GPHN: variants seen among roughly 807,000 people sequenced by gnomAD.
The protein encoded by GPHN is gephyrin.
GPHN carries 17 observed loss-of-function variants against 95.5 expected under a neutral mutation model. The observed-to-expected ratio is 0.18, with a 90% CI of 0.12 to 0.27. The LOEUF (loss-of-function observed/expected upper bound fraction) is 0.27, where lower values mean the gene tolerates loss of function less well. Ranked by LOEUF, GPHN falls within the 10% of genes least tolerant of loss-of-function variation. The pLI is 1.00. For missense variants in GPHN, 660 were observed against 978.1 expected, an observed-to-expected ratio of 0.67 and a Z score of 4.34; for synonymous variants, 320 against 322.5, an observed-to-expected ratio of 0.99 and a Z score of 0.08.
the GPHN span, chr14:67,579,902 G>A: frequency 6.3e-7 from 1 of 1,574,826 alleles, no homozygotes; most frequent in Admixed American, 1.8e-5. Context: ...TAAGCCAGCT[G>A]AGCCCCTCCC....
the GPHN span, among the ~76,000 whole-genome samples, chr14:67,347,087 A>G: frequency 3.7e-4 from 57 of 152,150 alleles, no homozygotes; most frequent in African/African-American, 1.3e-3. Context: ...CAGCTCAAGC[A>G]ATCCTCCCTC....
At chr14:67,656,423 T>G in the GPHN span, 1 of 1,610,210 alleles carries the variant, frequency 6.2e-7, no homozygotes, top group African/African-American at 1.3e-5. Flanking sequence ...TACTCTACTC[T>G]TGGTACGTTC....
At chr14:67,648,220 T>C in the GPHN span, 4 of 1,590,264 alleles carry the variant, frequency 2.5e-6, no homozygotes, top group East Asian at 2.3e-5. Context: ...GTTAACTACA[T>C]AGGTAAATAT....
the GPHN span, chr14:67,575,523 CAT>C: frequency 8.9e-7 from 1 of 1,124,258 alleles, no homozygotes; most frequent in Non-Finnish European, 1.3e-6. Context: ...CCCCGAAGCA[CAT>C]GACTGCCACT....
the GPHN span, among the ~76,000 whole-genome samples, chr14:67,322,337 GACTC>G: frequency 6.6e-6 from 1 of 152,124 alleles, no homozygotes; most frequent in African/African-American, 2.4e-5. Context: ...AGCAGAGTGA[GACTC>G]TGTCTGAAAA....
chr14:67,472,595 A>AAGGGGGTG, the GPHN span: 16,912 of 152,316 alleles, frequency 0.11, 974 homozygotes, highest in East Asian at 0.13. Flanking sequence ...GAAGGGCTGC[A>AAGGGGGTG]AGGGGGTGAG....
At chr14:67,343,353 C>T in the GPHN span, 2 of 1,595,822 alleles carry the variant, frequency 1.3e-6, no homozygotes, top group South Asian at 1.1e-5. Flanking sequence ...CAAAGCACCT[C>T]ACAGTACCTA....
At chr14:66,664,448 C>T (rs2065834864) in intron 1 of GPHN, among the ~76,000 whole-genome samples, 1 of 152,080 alleles carries the variant, frequency 6.6e-6, no homozygotes, top group African/African-American at 2.4e-5. Flanking sequence ...GACAAAGATA[C>T]AATGTACCAG....
chr14:67,124,037 A>C (rs573560191), intron 17 of GPHN, among the ~76,000 whole-genome samples: 20 of 151,902 alleles, frequency 1.3e-4, no homozygotes, highest in African/African-American at 4.8e-4. Flanking sequence ...AGGACACTGG[A>C]GTGGAAGCTG....
chr14:67,562,169 G>T, the GPHN span: 2 of 1,611,212 alleles, frequency 1.2e-6, no homozygotes, highest in Non-Finnish European at 1.7e-6. Context: ...GAAGCTGCTG[G>T]TGCCCCCCTA....
At chr14:67,598,570 T>C in the GPHN span, among the ~76,000 whole-genome samples, 4 of 152,264 alleles carry the variant, frequency 2.6e-5, no homozygotes, top group South Asian at 6.2e-4. Flanking sequence ...ATTTAATAAA[T>C]ATCTATTTCC....
chr14:67,611,713 T>C, the GPHN span, among the ~76,000 whole-genome samples: 1 of 152,216 alleles, frequency 6.6e-6, no homozygotes, highest in African/African-American at 2.4e-5. Flanking sequence ...TCTAAAGCAA[T>C]GTTCCCCAAC....
At chr14:66,639,326 T>C (rs1031945343) in intron 1 of GPHN, among the ~76,000 whole-genome samples, 1 of 152,144 alleles carries the variant, frequency 6.6e-6, no homozygotes, top group Non-Finnish European at 1.5e-5. Flanking sequence ...TGTATTTTGA[T>C]GATGTCAGTT....
At chr14:67,427,505 A>G in the GPHN span, among the ~76,000 whole-genome samples, 37 of 152,254 alleles carry the variant, frequency 2.4e-4, no homozygotes, top group African/African-American at 8.4e-4. Context: ...TGGAATCCCA[A>G]CACCCTGCCG....
chr14:67,246,840 C>T, the GPHN span, among the ~76,000 whole-genome samples: 7 of 151,898 alleles, frequency 4.6e-5, no homozygotes, highest in South Asian at 2.1e-4. Context: ...TTAGTAGAGG[C>T]GGGGTTTCAC....
chr14:67,600,282 C>G, the GPHN span: 1 of 1,259,254 alleles, frequency 7.9e-7, no homozygotes, highest in Admixed American at 3.1e-5. Context: ...CGCTCCAGAC[C>G]CGCTTCCGGC....
intron 8 of GPHN, among the ~76,000 whole-genome samples, chr14:66,942,867 T>C (rs1410017494): frequency 6.6e-6 from 1 of 152,208 alleles, no homozygotes; most frequent in African/African-American, 2.4e-5. Flanking sequence ...CTATTAAATA[T>C]ATTAGAGGTT....
At chr14:67,693,461 T>TC in the GPHN span, among the ~76,000 whole-genome samples, 7 of 151,130 alleles carry the variant, frequency 4.6e-5, no homozygotes, top group African/African-American at 1.7e-4. Flanking sequence ...AAATGGCTAA[T>TC]CCAATACAAA....
intron 8 of GPHN, among the ~76,000 whole-genome samples, chr14:66,949,993 GAAAAAAA>G (rs71129809): frequency 0.022 from 1,280 of 57,818 alleles, 18 homozygotes; most frequent in African/African-American, 0.058. Flanking sequence ...TTTAGGACAG[GAAAAAAA>G]AAAAAAAAAA....
Sources: allele counts gnomAD v4.1 joint callset (sites outside exome capture counted in the v4.1 genomes callset), GRCh38; gene constraint gnomAD v4.1.1; transcripts MANE v1.5; gene names NCBI Gene and HGNC (gene_info 2026-07-23, HGNC 2026-07-21).